SUSD1: variants seen among roughly 807,000 people sequenced by gnomAD.
SUSD1 encodes sushi domain-containing protein 1.
SUSD1 carries 65 observed loss-of-function variants against 86.9 expected under a neutral mutation model. The ratio of observed to expected loss-of-function variants is 0.75; its 90% CI spans 0.61 to 0.92. SUSD1 has a LOEUF of 0.92. Among genes scored for constraint, SUSD1 ranks in the 40% least tolerant of loss-of-function variants. The pLI, the probability that SUSD1 is intolerant of heterozygous loss-of-function variation, is 0.00. For missense variants in SUSD1, 850 were observed against 929.7 expected, an observed-to-expected ratio of 0.91 and a Z score of 1.11; for synonymous variants, 346 against 350.0, an observed-to-expected ratio of 0.99 and a Z score of 0.13.
rs902236003 is a variant in SUSD1, at chr9:112,113,069, C to A, written c.887-201G>T. 2.0e-5 allele frequency among the ~76,000 whole-genome samples: 3 copies of A among 152,158 alleles called. No homozygotes were observed. Among genetic ancestry groups the A allele is most frequent in the African/African-American group, 7.2e-5 (3 of 41,434 alleles). ...CATCATGAATGAGCGTGGCCCATTA[C>A]CTGACTTAGAGGGAAAGGAAAGATT... On this transcript the variant is annotated intron_variant, in intron 6 of 16. Transcript: ENST00000374270. This position sits in a 1 kb window ranked among gnomAD's most constrained non-coding sequence, Gnocchi z 4.1.
At chr9:112,041,614 A>T in intron 16 of SUSD1, 122 bp from the exon 17 acceptor site, 1 of 733,490 alleles carries the variant, frequency 1.4e-6, no homozygotes, top group Non-Finnish European at 2.5e-6. Context: ...AGCAGCATGG[A>T]AGCTCAGCCA....
At chr9:112,043,478 C>G (rs530167088) in intron 15 of SUSD1, among the ~76,000 whole-genome samples, 1 of 152,140 alleles carries the variant, frequency 6.6e-6, no homozygotes. Context: ...TCCCCTACCC[C>G]CTACCCACTA....
At chr9:112,166,717 T>G (rs1045178375) in intron 1 of SUSD1, among the ~76,000 whole-genome samples, 6 of 152,168 alleles carry the variant, frequency 3.9e-5, no homozygotes, top group Non-Finnish European at 8.8e-5. Context: ...GGGCACTTGG[T>G]ACCCACGTCA....
chr9:112,085,925 C>T (rs1201692650), intron 10 of SUSD1, among the ~76,000 whole-genome samples: 1 of 151,884 alleles, frequency 6.6e-6, no homozygotes, highest in South Asian at 2.1e-4. Context: ...AGAGTGAGAC[C>T]CTGTCTCAAA....
At chr9:112,153,721 C>G (rs986792187) in intron 2 of SUSD1, among the ~76,000 whole-genome samples, 1 of 151,136 alleles carries the variant, frequency 6.6e-6, no homozygotes, top group African/African-American at 2.4e-5. Context: ...TCAAGCAATT[C>G]TCCTGTCTCA....
chr9:112,129,529 C>T (rs1023615227), intron 5 of SUSD1, among the ~76,000 whole-genome samples: 1 of 152,106 alleles, frequency 6.6e-6, no homozygotes, highest in Non-Finnish European at 1.5e-5. Flanking sequence ...CCCAGGCTGG[C>T]CTCAAACTCC....
intron 6 of SUSD1, among the ~76,000 whole-genome samples, chr9:112,120,826 AC>A (rs35394303): frequency 3.3e-5 from 5 of 152,114 alleles, no homozygotes; most frequent in Non-Finnish European, 5.9e-5. Flanking sequence ...TAATTCTTAT[AC>A]CCCCATTGAC....
chr9:112,069,943 T>A (rs1379131899), intron 12 of SUSD1, among the ~76,000 whole-genome samples: 1 of 152,166 alleles, frequency 6.6e-6, no homozygotes, highest in Non-Finnish European at 1.5e-5. Flanking sequence ...TGAGACCATT[T>A]TCTGCTCTGT....
intron 8 of SUSD1, among the ~76,000 whole-genome samples, chr9:112,106,981 C>A (rs961580724): frequency 2.0e-5 from 3 of 151,502 alleles, no homozygotes; most frequent in African/African-American, 7.3e-5. Flanking sequence ...AGGGAAAAAA[C>A]AGTCCAGGAG....
intron 12 of SUSD1, among the ~76,000 whole-genome samples, chr9:112,063,485 T>C (rs1375202999): frequency 6.6e-6 from 1 of 152,202 alleles, no homozygotes; most frequent in African/African-American, 2.4e-5. Flanking sequence ...GATGAGTATA[T>C]CATGGCACTG....
intron 5 of SUSD1, among the ~76,000 whole-genome samples, chr9:112,130,978 G>A (rs751150441): frequency 6.6e-6 from 1 of 151,994 alleles, no homozygotes; most frequent in African/African-American, 2.4e-5. Flanking sequence ...AGCCAAGATC[G>A]CACTACTGCA....
rs1290153572 is a variant in SUSD1 at position 112,093,569 on chromosome 9, T to A, written c.1474+4901A>T. 2.0e-5 allele frequency among the ~76,000 whole-genome samples: 3 copies of A among 152,222 alleles called. No individual in the cohort carries two copies. The East Asian group carries it at 5.8e-4, about 29-fold the overall frequency. ...TAAACCTCATCCTTCAATATAGCTT[T>A]TACCTGAAATTCAGTTTTGGAGAGA... On this transcript the variant is annotated intron_variant, in intron 10 of 16. Coordinates refer to ENST00000374270, the MANE Select transcript of SUSD1 (RefSeq NM_022486.5).
At position 112,060,849 on chromosome 9, in the gene SUSD1, T is replaced by G. The variant is rs148527254; in HGVS notation, c.1850+2088A>C. 3.6e-3 allele frequency among the ~76,000 whole-genome samples: 550 copies of G among 152,292 alleles called. 1 individual carries two copies. The highest frequency in any genetic ancestry group is 5.6e-3 in the Non-Finnish European group (381 of 68,004). ...GTCCATAAGTACATCTTTAAATCCC[T>G]CTCATCTTTCCATGCAGGTGGTGGT... On this transcript the variant is annotated intron_variant, in intron 13 of 16. Transcript: ENST00000374270.
chr9:112,149,818 G>A (rs1041940292), intron 2 of SUSD1, among the ~76,000 whole-genome samples: 3 of 152,144 alleles, frequency 2.0e-5, no homozygotes, highest in African/African-American at 4.8e-5. Context: ...TGATTAACTG[G>A]AAAATTTCTT....
intron 15 of SUSD1, 115 bp downstream of exon 15, chr9:112,052,284 G>C: frequency 6.3e-7 from 1 of 1,589,908 alleles, no homozygotes. Flanking sequence ...GCTTAAAGTA[G>C]TATGAATTGG....
At chr9:112,165,962 A>G (rs1322293607) in intron 1 of SUSD1, among the ~76,000 whole-genome samples, 1 of 150,424 alleles carries the variant, frequency 6.6e-6, no homozygotes, top group African/African-American at 2.5e-5. Flanking sequence ...AGAAAGAAAG[A>G]AAGAAAGAAA....
intron 1 of SUSD1, among the ~76,000 whole-genome samples, chr9:112,171,853 C>T (rs1258602144): frequency 1.3e-5 from 2 of 152,046 alleles, no homozygotes; most frequent in South Asian, 2.1e-4. Flanking sequence ...CTGACTTGAC[C>T]AGCCCAGCTG....
chr9:112,082,926 A>G (rs957466056), intron 10 of SUSD1, among the ~76,000 whole-genome samples: 12 of 151,814 alleles, frequency 7.9e-5, no homozygotes, highest in Admixed American at 2.6e-4. Context: ...CAGGGTTTCT[A>G]TGTTGCCCAG....
chr9:112,052,069 C>T (rs1439776907), intron 15 of SUSD1: 84 of 1,161,558 alleles, frequency 7.2e-5, no homozygotes, highest in Non-Finnish European at 9.1e-5. Flanking sequence ...CTCCCTCTCA[C>T]ATGTCCTACA....
Sources: gnomAD v4.1 joint callset for allele counts (sites outside exome capture counted in the v4.1 genomes callset) on GRCh38, gnomAD v4.1.1 for gene constraint, Gnocchi (gnomAD v3.1) non-coding constraint, MANE v1.5 for transcripts, NCBI Gene and HGNC (gene_info 2026-07-23, HGNC 2026-07-21) for gene names.